Variants in SLC4A8 observed in about 807,000 individuals in gnomAD.
SLC4A8 encodes electroneutral sodium bicarbonate exchanger 1.
SLC4A8 carries 40 observed loss-of-function variants against 125.0 expected under a neutral mutation model. That is an observed-to-expected ratio of 0.32 (90% CI 0.25 to 0.42). SLC4A8 has a LOEUF of 0.42. SLC4A8 is among the 10% of genes least tolerant of loss of function. The pLI, the probability that SLC4A8 is intolerant of heterozygous loss-of-function variation, is 1.00. For missense variants in SLC4A8, 863 were observed against 1,355.1 expected (o/e 0.64, Z 5.70); for synonymous variants, 456 against 476.0 (o/e 0.96, Z 0.55).
At chr12:51,453,126 G>C (rs1950019250) in intron 4 of SLC4A8, among the ~76,000 whole-genome samples, 1 of 152,118 alleles carries the variant, frequency 6.6e-6, no homozygotes, top group Non-Finnish European at 1.5e-5. Context: ...TATTAATGTG[G>C]TTTGTCAGTG....
chr12:51,431,639 G>A (rs1416827673), intron 1 of SLC4A8, among the ~76,000 whole-genome samples: 1 of 152,066 alleles, frequency 6.6e-6, no homozygotes, highest in African/African-American at 2.4e-5. Flanking sequence ...TTTTCATTCA[G>A]TAAGAAAGTA....
intron 19 of SLC4A8, among the ~76,000 whole-genome samples, chr12:51,491,740 GAC>G (rs35694156): frequency 0.015 from 2,133 of 146,006 alleles, 26 homozygotes; most frequent in Middle Eastern, 0.032. Flanking sequence ...GGGATGGGCA[GAC>G]ACACACACAC....
rs187210066 is a variant in SLC4A8 at position 51,513,969 on chromosome 12, A to G, written c.*6531A>G. 6.6e-6 allele frequency: 1 copy of G among 152,306 alleles called. No individual in the cohort carries two copies. Among genetic ancestry groups the G allele is most frequent in the East Asian group, 1.9e-4 (1 of 5,184 alleles). 9.4% of individuals were successfully genotyped at this position (152,306 alleles called of 1,614,324 possible). A position where few individuals can be genotyped will look rare whatever the true frequency, so the allele number is the denominator to read the frequency against. On this transcript the variant is annotated 3_prime_UTR_variant, in exon 25 of 25. Coordinates refer to ENST00000453097, the MANE Select transcript of SLC4A8 (RefSeq NM_001039960.3). ...TCCAGACTTCCCTCTTAGTAAAGGA[A>G]TTCATAATTCTCCCTGCATCTTCTC...
chr12:51,394,698 G>A (rs139761747), intron 1 of SLC4A8, among the ~76,000 whole-genome samples: 1 of 152,164 alleles, frequency 6.6e-6, no homozygotes, highest in African/African-American at 2.4e-5. Context: ...AGGGTGGAGG[G>A]TGGGAAGAGG....
At chr12:51,483,243 G>A (rs1412560372) in intron 16 of SLC4A8, among the ~76,000 whole-genome samples, 2 of 152,006 alleles carry the variant, frequency 1.3e-5, no homozygotes, top group African/African-American at 2.4e-5. Flanking sequence ...ACTAGTCACA[G>A]TTGTTGTTTA....
At chr12:51,431,781 G>C (rs1462800365) in intron 1 of SLC4A8, among the ~76,000 whole-genome samples, 1 of 152,124 alleles carries the variant, frequency 6.6e-6, no homozygotes, top group Non-Finnish European at 1.5e-5. Flanking sequence ...AACTATTGGA[G>C]GTCTGGTCAG....
intron 2 of SLC4A8, chr12:51,441,172 A>G: frequency 1.0e-6 from 1 of 985,794 alleles, no homozygotes; most frequent in African/African-American, 1.7e-5. Context: ...AATAGTTTTA[A>G]AAACTCATTT....
At chr12:51,426,855 G>C (rs1296155252) in intron 1 of SLC4A8, among the ~76,000 whole-genome samples, 1 of 151,974 alleles carries the variant, frequency 6.6e-6, no homozygotes, top group Admixed American at 6.6e-5. Context: ...AAAGGGGAGA[G>C]AGGGGGTCTC....
chr12:51,471,946 C>T (rs1023096315), intron 14 of SLC4A8, among the ~76,000 whole-genome samples: 30 of 152,164 alleles, frequency 2.0e-4, no homozygotes, highest in African/African-American at 7.0e-4. Context: ...GACTCTCTTT[C>T]TCTGAAAGTA....
chr12:51,440,879 A>G, intron 2 of SLC4A8, 90 bp downstream of exon 2: 1 of 1,141,594 alleles, frequency 8.8e-7, no homozygotes, highest in Non-Finnish European at 1.2e-6. Flanking sequence ...CTCTCTCACT[A>G]GCTGTCAGAC....
chr12:51,506,319 T>C (rs1938167789), intron 24 of SLC4A8, among the ~76,000 whole-genome samples: 1 of 152,260 alleles, frequency 6.6e-6, no homozygotes, highest in African/African-American at 2.4e-5. Flanking sequence ...ATAGTACTGA[T>C]ACATTCTTTA....
chr12:51,459,564 T>A (rs1950257798), intron 7 of SLC4A8, among the ~76,000 whole-genome samples: 1 of 151,792 alleles, frequency 6.6e-6, no homozygotes, highest in Non-Finnish European at 1.5e-5. Context: ...GACATATGAG[T>A]GTAAGATATA....
At chr12:51,467,108 G>A (rs964304372) in intron 11 of SLC4A8, among the ~76,000 whole-genome samples, 41 of 152,122 alleles carry the variant, frequency 2.7e-4, no homozygotes, top group African/African-American at 9.2e-4. Flanking sequence ...AAGAACCCAG[G>A]AATACTTGAG....
chr12:51,406,191 C>G (rs1948484150), intron 1 of SLC4A8, among the ~76,000 whole-genome samples: 1 of 152,220 alleles, frequency 6.6e-6, no homozygotes. Context: ...GGGAAAAGAG[C>G]TAGTCTTTCA....
intron 1 of SLC4A8, among the ~76,000 whole-genome samples, chr12:51,398,817 T>A (rs1309172879): frequency 6.6e-6 from 1 of 152,252 alleles, no homozygotes; most frequent in African/African-American, 2.4e-5. Flanking sequence ...TGGCCTGATC[T>A]CGGCTCATTG....
upstream of SLC4A8, chr12:51,421,839 C>T (rs150405454): frequency 6.6e-5 from 10 of 152,328 alleles, no homozygotes; most frequent in East Asian, 5.8e-4. Flanking sequence ...GTTCTTGACT[C>T]GTCTCCTCAG....
rs1950116300 is a variant in SLC4A8, at chr12:51,455,428, G to A, written c.574+1729G>A. Among the ~76,000 whole-genome samples the A allele has an allele frequency of 1.3e-5, 2 of 152,078 alleles. 1 individual carries two copies. Among genetic ancestry groups the A allele is most frequent in the South Asian group, 4.1e-4 (2 of 4,832 alleles). Reference sequence around the variant, plus strand: ...AGAAAGGGGCAACTGGAAGTTGTGTGGAAAAAAGGAGTAAAGAGAATTAAA... The same window carrying A: ...AGAAAGGGGCAACTGGAAGTTGTGTAGAAAAAAGGAGTAAAGAGAATTAAA... On this transcript the variant is annotated intron_variant, in intron 5 of 24. Coordinates refer to ENST00000453097, the MANE Select transcript of SLC4A8 (RefSeq NM_001039960.3).
chr12:51,454,197 T>A (rs1297129774), intron 5 of SLC4A8, among the ~76,000 whole-genome samples: 4 of 152,160 alleles, frequency 2.6e-5, no homozygotes, highest in Non-Finnish European at 5.9e-5. Flanking sequence ...TTCAAGAGGC[T>A]CAGGCACGAG....
intron 16 of SLC4A8, among the ~76,000 whole-genome samples, chr12:51,483,985 G>A (rs140031498): frequency 0.014 from 2,150 of 152,128 alleles, 54 homozygotes; most frequent in African/African-American, 0.049. Context: ...GAGAACATGC[G>A]GTGTTTGGTT....
Sources: gnomAD v4.1 joint callset for allele counts (sites outside exome capture counted in the v4.1 genomes callset) on GRCh38, gnomAD v4.1.1 for gene constraint, MANE v1.5 for transcripts, NCBI Gene and HGNC (gene_info 2026-07-23, HGNC 2026-07-21) for gene names.